The following GLCE variants were observed in gnomAD, a reference collection of about 807,000 sequenced individuals.
GLCE encodes glucuronic acid epimerase, also known as D-glucuronyl C5-epimerase.
Under a neutral mutation model 47.9 loss-of-function variants are expected in GLCE, and 19 were observed. That is an observed-to-expected ratio of 0.40 (90% CI 0.28 to 0.58). GLCE has a LOEUF of 0.58. Ranked by LOEUF, GLCE falls within the 20% of genes least tolerant of loss-of-function variation. GLCE has a pLI of 0.48. For missense variants in GLCE, 556 were observed against 743.3 expected (o/e 0.75, Z 2.93); for synonymous variants, 245 against 263.4 (o/e 0.93, Z 0.68).
intron 2 of GLCE, among the ~76,000 whole-genome samples, chr15:69,228,267 T>C (rs1428814407): frequency 2.0e-5 from 3 of 152,238 alleles, no homozygotes; most frequent in African/African-American, 7.2e-5. Context: ...ATGAACTATA[T>C]TAATTGTATC....
At chr15:69,181,971 CAG>C (rs373562512) in intron 1 of GLCE, among the ~76,000 whole-genome samples, 155 of 151,650 alleles carry the variant, frequency 1.0e-3, no homozygotes, top group African/African-American at 3.2e-3. Context: ...AAAGAGGAAT[CAG>C]AATATGTGGG....
chr15:69,224,031 G>A (rs2052412599), intron 2 of GLCE, among the ~76,000 whole-genome samples: 1 of 152,040 alleles, frequency 6.6e-6, no homozygotes, highest in Admixed American at 6.6e-5. Flanking sequence ...AAAGAGCTAT[G>A]GTAGATTTGC....
chr15:69,216,984 A>G (rs954642861), intron 2 of GLCE, among the ~76,000 whole-genome samples: 27 of 152,098 alleles, frequency 1.8e-4, no homozygotes, highest in African/African-American at 6.3e-4. Flanking sequence ...TACATATGGG[A>G]AGATGACTTT....
At chr15:69,193,650 G>T (rs186262990) in intron 1 of GLCE, among the ~76,000 whole-genome samples, 2 of 152,098 alleles carry the variant, frequency 1.3e-5, no homozygotes, top group Admixed American at 6.5e-5. Flanking sequence ...TCCAAGGAGG[G>T]TGAGGCAAGG....
In GLCE at chr15:69,230,293, A is replaced by T. The variant is rs376773083; in HGVS notation, c.-14+19887A>T. Among the ~76,000 whole-genome samples, 60 of 152,208 alleles carry T rather than the reference A, an allele frequency of 3.9e-4. 2 individuals are homozygous for T. The South Asian group carries it at 0.012, about 31-fold the overall frequency. On this transcript the variant is annotated intron_variant, in intron 2 of 4. Coordinates refer to ENST00000261858, the MANE Select transcript of GLCE (RefSeq NM_015554.3). ...CTAATAAAAAGAAAACAGGAGTTCC[A>T]CAATTAGTATCAGATAAAGTAGATT...
At chr15:69,213,415 T>C (rs934505120) in intron 2 of GLCE, among the ~76,000 whole-genome samples, 3 of 152,120 alleles carry the variant, frequency 2.0e-5, no homozygotes, top group Non-Finnish European at 4.4e-5. Flanking sequence ...TCAGGTATTT[T>C]TGTAGAATGT....
At chr15:69,171,201 A>G (rs1438625497) in intron 1 of GLCE, among the ~76,000 whole-genome samples, 1 of 152,136 alleles carries the variant, frequency 6.6e-6, no homozygotes. Context: ...CAATATAAAC[A>G]TATTTTAAAA....
intron 4 of GLCE, among the ~76,000 whole-genome samples, chr15:69,264,949 T>C (rs1357910578): frequency 6.6e-6 from 1 of 152,190 alleles, no homozygotes; most frequent in African/African-American, 2.4e-5. Context: ...TTATCAGATA[T>C]ATGTTTGTAC....
intron 4 of GLCE, among the ~76,000 whole-genome samples, chr15:69,265,557 C>T (rs1027177116): frequency 1.3e-5 from 2 of 152,296 alleles, no homozygotes; most frequent in Admixed American, 6.5e-5. Context: ...ACACCCTCTG[C>T]TGGTGTTAAG....
chr15:69,205,303 A>G (rs982386954), intron 1 of GLCE, among the ~76,000 whole-genome samples: 2 of 152,154 alleles, frequency 1.3e-5, no homozygotes, highest in African/African-American at 2.4e-5. Flanking sequence ...TAAGATTCAT[A>G]TAAGTTGTTC....
intron 1 of GLCE, among the ~76,000 whole-genome samples, chr15:69,205,407 A>G (rs948431695): frequency 1.3e-5 from 2 of 152,096 alleles, no homozygotes; most frequent in Non-Finnish European, 2.9e-5. Context: ...ATTGGAGGAC[A>G]TTTGAGTTGT....
At position 69,217,884 on chromosome 15, in the gene GLCE, G is replaced by A. The variant is rs552364013; in HGVS notation, c.-14+7478G>A. Among the ~76,000 whole-genome samples, 16 of 151,786 alleles carry A rather than the reference G, an allele frequency of 1.1e-4. No homozygotes were observed. In the East Asian group the frequency reaches 2.5e-3, roughly 24 times the overall value. ...CAAAGGAACACAGCAGGCCAGGCGCGGTGGCTCATGCCTGTAATCCCAGCA... is the reference window on the plus strand; with the variant it reads ...CAAAGGAACACAGCAGGCCAGGCGCAGTGGCTCATGCCTGTAATCCCAGCA... On this transcript the variant is annotated intron_variant, in intron 2 of 4. Coordinates refer to ENST00000261858, the MANE Select transcript of GLCE (RefSeq NM_015554.3).
intron 1 of GLCE, among the ~76,000 whole-genome samples, chr15:69,195,630 T>A (rs1047572896): frequency 6.6e-6 from 1 of 152,174 alleles, no homozygotes. Flanking sequence ...AAGACAATTC[T>A]GGATGTTTTC....
At chr15:69,242,365 T>G (rs1449307587) in intron 2 of GLCE, among the ~76,000 whole-genome samples, 1 of 152,186 alleles carries the variant, frequency 6.6e-6, no homozygotes, top group Non-Finnish European at 1.5e-5. Flanking sequence ...GTTTTCTGTA[T>G]GTTCAAGTCT....
intron 1 of GLCE, among the ~76,000 whole-genome samples, chr15:69,190,062 G>A (rs571956906): frequency 6.6e-6 from 1 of 152,018 alleles, no homozygotes; most frequent in East Asian, 1.9e-4. Flanking sequence ...ACATTCAGAA[G>A]TATATTGTTT....
intron 1 of GLCE, among the ~76,000 whole-genome samples, chr15:69,171,367 T>C (rs1267115530): frequency 6.6e-6 from 1 of 151,950 alleles, no homozygotes; most frequent in Non-Finnish European, 1.5e-5. Context: ...TTTAATGGTT[T>C]AGGGAAAAGA....
chr15:69,200,186 C>T (rs2052057925), intron 1 of GLCE, among the ~76,000 whole-genome samples: 1 of 152,188 alleles, frequency 6.6e-6, no homozygotes, highest in Admixed American at 6.5e-5. Flanking sequence ...GTGGCATGCT[C>T]TGCTGTTGTT....
At chr15:69,258,882 C>A (rs572732721) in intron 3 of GLCE, among the ~76,000 whole-genome samples, 48 of 152,156 alleles carry the variant, frequency 3.2e-4, no homozygotes, top group Non-Finnish European at 6.6e-4. Flanking sequence ...CATTGTTAAT[C>A]TTTATTTGCT....
chr15:69,232,758 T>A (rs1175721398), intron 2 of GLCE, among the ~76,000 whole-genome samples: 1 of 152,124 alleles, frequency 6.6e-6, no homozygotes, highest in East Asian at 1.9e-4. Context: ...CTAGAAACAA[T>A]TAGACAATTA....
Sources: allele counts gnomAD v4.1 joint callset (sites outside exome capture counted in the v4.1 genomes callset), GRCh38; gene constraint gnomAD v4.1.1; transcripts MANE v1.5; gene names NCBI Gene and HGNC (gene_info 2026-07-23, HGNC 2026-07-21).